The following RNLS variants were observed in gnomAD, a reference collection of about 807,000 sequenced individuals.
RNLS encodes the protein renalase, FAD dependent amine oxidase, also known as renalase.
Under a neutral mutation model 39.8 loss-of-function variants are expected in RNLS, and 39 were observed. That is an observed-to-expected ratio of 0.98 (90% CI 0.76 to 1.28). RNLS has a LOEUF of 1.28. Among genes scored for constraint, RNLS ranks in the 50% most tolerant of loss-of-function variants. RNLS has a pLI of 0.00. For missense variants in RNLS, 410 were observed against 413.3 expected, an observed-to-expected ratio of 0.99 and a Z score of 0.07; for synonymous variants, 147 against 150.7, an observed-to-expected ratio of 0.98 and a Z score of 0.18.
intron 4 of RNLS, among the ~76,000 whole-genome samples, chr10:88,373,054 A>G (rs1014119236): frequency 6.6e-6 from 1 of 152,146 alleles, no homozygotes; most frequent in Non-Finnish European, 1.5e-5. Flanking sequence ...TTCCCAGCCT[A>G]TCCATCTAAT....
intron 3 of RNLS, among the ~76,000 whole-genome samples, chr10:88,576,684 A>T (rs114353810): frequency 0.014 from 2,207 of 152,326 alleles, 65 homozygotes; most frequent in African/African-American, 0.05. Context: ...AGAACCACCC[A>T]GACTCACTTC....
At chr10:88,330,281 G>A (rs961050890) in intron 5 of RNLS, among the ~76,000 whole-genome samples, 11 of 151,716 alleles carry the variant, frequency 7.3e-5, no homozygotes, top group African/African-American at 2.2e-4. Context: ...CTTTGGAAAC[G>A]TGCTTTGGTT....
At chr10:88,511,074 TAAG>T (rs1846097119) in intron 4 of RNLS, among the ~76,000 whole-genome samples, 1 of 147,320 alleles carries the variant, frequency 6.8e-6, no homozygotes, top group African/African-American at 2.6e-5. Flanking sequence ...ATGGGAGACA[TAAG>T]AATATGGATT....
chr10:88,524,123 T>TAA (rs199837301), intron 4 of RNLS, among the ~76,000 whole-genome samples: 1 of 143,078 alleles, frequency 7.0e-6, no homozygotes, highest in African/African-American at 2.6e-5. Context: ...CTGATTATAT[T>TAA]AAAAAAAAAA....
chr10:88,565,330 C>A (rs1025777634), intron 4 of RNLS, among the ~76,000 whole-genome samples: 1 of 151,900 alleles, frequency 6.6e-6, no homozygotes, highest in Non-Finnish European at 1.5e-5. Context: ...AAGCCTAAGA[C>A]GTCTAATAAT....
chr10:88,324,052 G>T lies in RNLS; in HGVS notation c.701-9411C>A, dbSNP rs188966445. ...ATGAGTTACCATCTCACACCAGTCAGCATGGCTATTATTAAAAAGTCAAAA... is the reference window on the plus strand; with the variant it reads ...ATGAGTTACCATCTCACACCAGTCATCATGGCTATTATTAAAAAGTCAAAA... On this transcript the variant is annotated intron_variant, in intron 5 of 6. Transcript: ENST00000331772. Among the ~76,000 whole-genome samples the T allele has an allele frequency of 3.3e-4, 50 of 152,212 alleles. 1 individual carries two copies. Among genetic ancestry groups the T allele is most frequent in the Non-Finnish European group, 5.7e-4 (39 of 68,006 alleles).
At chr10:88,349,701 A>C (rs570109160) in intron 5 of RNLS, among the ~76,000 whole-genome samples, 1 of 151,980 alleles carries the variant, frequency 6.6e-6, no homozygotes, top group Non-Finnish European at 1.5e-5. Context: ...ATTTATTTTT[A>C]CGTATGTATA....
chr10:88,244,604 AT>A, the RNLS span, among the ~76,000 whole-genome samples: 1 of 152,162 alleles, frequency 6.6e-6, no homozygotes, highest in Non-Finnish European at 1.5e-5. Flanking sequence ...CAGAAGGAAT[AT>A]GTATAAACCC....
intron 4 of RNLS, among the ~76,000 whole-genome samples, chr10:88,480,464 T>C (rs1251441116): frequency 6.6e-6 from 1 of 152,218 alleles, no homozygotes; most frequent in Admixed American, 6.5e-5. Context: ...TCTTGTTGCC[T>C]AGGCGGGAGT....
At chr10:88,445,802 A>G (rs1216699717) in intron 4 of RNLS, among the ~76,000 whole-genome samples, 1 of 152,230 alleles carries the variant, frequency 6.6e-6, no homozygotes, top group Non-Finnish European at 1.5e-5. Flanking sequence ...AGGAGCACCC[A>G]AATTCATAAA....
chr10:88,371,421 C>T (rs903124969), intron 4 of RNLS, among the ~76,000 whole-genome samples: 7 of 152,110 alleles, frequency 4.6e-5, no homozygotes, highest in African/African-American at 1.7e-4. Flanking sequence ...CACGGCTACA[C>T]TTCACTTTTC....
the RNLS span, among the ~76,000 whole-genome samples, chr10:88,219,867 C>T: frequency 6.6e-6 from 1 of 152,212 alleles, no homozygotes; most frequent in Non-Finnish European, 1.5e-5. Flanking sequence ...ATGTTACTGT[C>T]CCCCTGCTCC....
the RNLS span, among the ~76,000 whole-genome samples, chr10:88,207,824 G>A: frequency 6.6e-6 from 1 of 152,104 alleles, no homozygotes; most frequent in Non-Finnish European, 1.5e-5. Context: ...CCTAGATTTT[G>A]GCACAGGGAG....
the RNLS span, among the ~76,000 whole-genome samples, chr10:88,220,315 T>C: frequency 5.7e-3 from 871 of 152,266 alleles, 7 homozygotes; most frequent in African/African-American, 0.02. Flanking sequence ...TTTTAGGATT[T>C]TGGGGTGGGC....
At chr10:88,470,941 G>A (rs1265452464) in intron 4 of RNLS, among the ~76,000 whole-genome samples, 1 of 152,042 alleles carries the variant, frequency 6.6e-6, no homozygotes, top group Non-Finnish European at 1.5e-5. Context: ...AACTTAATGA[G>A]GTATGATAAG....
chr10:88,256,270 G>A, the RNLS span, among the ~76,000 whole-genome samples: 1 of 152,260 alleles, frequency 6.6e-6, no homozygotes, highest in East Asian at 1.9e-4. Context: ...TTACCAACCC[G>A]CGTACCACCC....
At chr10:88,392,440 C>A (rs1852264215) in intron 4 of RNLS, among the ~76,000 whole-genome samples, 1 of 152,210 alleles carries the variant, frequency 6.6e-6, no homozygotes, top group Non-Finnish European at 1.5e-5. Context: ...GGCAGAGTTT[C>A]ATACTGCCTG....
At chr10:88,413,368 T>C (rs1853812896) in intron 4 of RNLS, among the ~76,000 whole-genome samples, 1 of 152,232 alleles carries the variant, frequency 6.6e-6, no homozygotes, top group African/African-American at 2.4e-5. Flanking sequence ...TCACTTATTC[T>C]ACAAATATTA....
At chr10:88,252,870 T>A in the RNLS span, among the ~76,000 whole-genome samples, 2 of 152,256 alleles carry the variant, frequency 1.3e-5, no homozygotes. Context: ...AAGTCTGTAC[T>A]CTATAGGACA....
Sources: gnomAD v4.1 joint callset for allele counts (sites outside exome capture counted in the v4.1 genomes callset) on GRCh38, gnomAD v4.1.1 for gene constraint, MANE v1.5 for transcripts, NCBI Gene and HGNC (gene_info 2026-07-23, HGNC 2026-07-21) for gene names.